PSMG4: variants seen among roughly 807,000 people sequenced by gnomAD.
The protein encoded by PSMG4 is proteasome (prosome, macropain) assembly chaperone 4.
Under a neutral mutation model 11.0 loss-of-function variants are expected in PSMG4, and 10 were observed. The observed-to-expected ratio is 0.91, with a 90% CI of 0.56 to 1.54. The LOEUF (loss-of-function observed/expected upper bound fraction) is 1.54. Ranked by LOEUF, PSMG4 falls within the 40% of genes most tolerant of loss-of-function variation. The pLI is 0.00. For synonymous variants in PSMG4, 95 were observed against 71.3 expected (o/e 1.33, Z -1.68); for missense variants, 198 against 160.9 (o/e 1.23, Z -1.25).
upstream of PSMG4, chr6:3,258,864 C>T (rs1024757356): frequency 4.6e-6 from 3 of 656,080 alleles, no homozygotes; most frequent in Non-Finnish European, 6.5e-6. Flanking sequence ...AACCCAAGCC[C>T]GGGATCGCCC....
intron 1 of PSMG4, 78 bp downstream of exon 1, chr6:3,259,274 C>T (rs1483457447): frequency 1.7e-6 from 2 of 1,184,652 alleles, no homozygotes; most frequent in Non-Finnish European, 2.1e-6. Flanking sequence ...CTGCAGCCCC[C>T]CAGGCTTCTC....
At chr6:3,261,738 G>A (rs1757997992) in intron 1 of PSMG4, among the ~76,000 whole-genome samples, 1 of 152,162 alleles carries the variant, frequency 6.6e-6, no homozygotes, top group Non-Finnish European at 1.5e-5. Context: ...CAAGGTTCCT[G>A]TGACCCGTGG....
At chr6:3,258,516 C>T (rs1294818299), upstream of PSMG4, among the ~76,000 whole-genome samples, 1 of 152,178 alleles carries the variant, frequency 6.6e-6, no homozygotes, top group Non-Finnish European at 1.5e-5. Context: ...TGGCCGTTCT[C>T]AGAGTGCTTG....
intron 1 of PSMG4, among the ~76,000 whole-genome samples, chr6:3,261,202 T>G (rs1185968408): frequency 6.6e-6 from 1 of 150,728 alleles, no homozygotes; most frequent in Non-Finnish European, 1.5e-5. Flanking sequence ...AGATGGCATC[T>G]GGATTCCTTT....
upstream of PSMG4, among the ~76,000 whole-genome samples, chr6:3,256,907 C>T (rs923836460): frequency 5.2e-4 from 79 of 151,980 alleles, no homozygotes; most frequent in African/African-American, 1.9e-3. Context: ...TTGAAGTGGA[C>T]CTAGGTGGCA....
rs1229876929 is a variant in PSMG4 at position 3,267,593 on chromosome 6, A to G, written c.253A>G (p.Arg85Gly). The G allele has an allele frequency of 3.9e-6, 6 of 1,551,470 alleles. No individual in the cohort carries two copies. The highest frequency in any genetic ancestry group is 1.4e-5 in the African/African-American group (1 of 73,054). Reference sequence around the variant, plus strand: ...ATCAATGTGTTTTCTCTTTTTAGCCAGGAAGACCAACAAACAGGTGTTTGT... The same window carrying G: ...ATCAATGTGTTTTCTCTTTTTAGCCGGGAAGACCAACAAACAGGTGTTTGT... ...TSTGLAQRLA[R>G]KTNKQVFVSY... The change falls in exon 3 of 3, where the codon AGG (arginine) becomes GGG (glycine). Residue 85 changes from arginine to glycine, a missense_variant and splice_region_variant. Arg to Gly is a moderately radical substitution (Grantham distance 125, BLOSUM62 -2). Coordinates refer to ENST00000438998, the MANE Select transcript of PSMG4 (RefSeq NM_001128591.2).
chr6:3,265,641 C>T (rs4959791), intron 2 of PSMG4: 126,459 of 152,242 alleles, frequency 0.83, 52,790 homozygotes, highest in Non-Finnish European at 0.87. Context: ...CCCCAGCTTC[C>T]TACCACACTG....
At chr6:3,256,655 C>T (rs1757776638), upstream of PSMG4, among the ~76,000 whole-genome samples, 1 of 152,204 alleles carries the variant, frequency 6.6e-6, no homozygotes, top group Non-Finnish European at 1.5e-5. Context: ...TTCTTGATTT[C>T]TTTTGATAGT....
upstream of PSMG4, among the ~76,000 whole-genome samples, chr6:3,256,611 G>T (rs558429558): frequency 2.0e-3 from 287 of 143,232 alleles, 2 homozygotes; most frequent in African/African-American, 8.1e-3. Flanking sequence ...TAATGTTTTT[G>T]GGGGGTGACA....
intron 1 of PSMG4, among the ~76,000 whole-genome samples, chr6:3,260,243 C>G (rs1177655921): frequency 3.4e-5 from 5 of 149,078 alleles, no homozygotes; most frequent in African/African-American, 5.0e-5. Context: ...GGATTAAGGG[C>G]CCATCCTACT....
intron 2 of PSMG4, chr6:3,266,436 TG>T (rs1758183837): frequency 6.6e-6 from 1 of 152,226 alleles, no homozygotes; most frequent in Non-Finnish European, 1.5e-5. Flanking sequence ...GCTTGCCATA[TG>T]TTGAGGTGGG....
At chr6:3,256,711 C>T (rs573161923), upstream of PSMG4, among the ~76,000 whole-genome samples, 2 of 152,210 alleles carry the variant, frequency 1.3e-5, no homozygotes, top group East Asian at 1.9e-4. Flanking sequence ...GGCTGACTCC[C>T]TGGGCACTCT....
At chr6:3,261,938 G>C (rs1215441034) in intron 1 of PSMG4, among the ~76,000 whole-genome samples, 3 of 152,238 alleles carry the variant, frequency 2.0e-5, no homozygotes, top group Admixed American at 1.3e-4. Context: ...CAGCCCACAC[G>C]TGGAGAATGG....
intron 1 of PSMG4, among the ~76,000 whole-genome samples, chr6:3,261,945 A>G (rs2127260178): frequency 6.6e-6 from 1 of 152,324 alleles, no homozygotes; most frequent in African/African-American, 2.4e-5. Flanking sequence ...CACGTGGAGA[A>G]TGGCACCAGA....
At chr6:3,254,669 G>T (rs1433044638), upstream of PSMG4, among the ~76,000 whole-genome samples, 3 of 152,120 alleles carry the variant, frequency 2.0e-5, no homozygotes, top group African/African-American at 7.2e-5. Flanking sequence ...CCTTCAAGCT[G>T]CGAAACCACT....
intron 1 of PSMG4, among the ~76,000 whole-genome samples, chr6:3,263,192 C>T (rs1454423303): frequency 6.6e-6 from 1 of 152,234 alleles, no homozygotes; most frequent in Non-Finnish European, 1.5e-5. Flanking sequence ...CTCGCTGACC[C>T]TGAGGAGCCC....
At chr6:3,256,086 C>T (rs1381871014), upstream of PSMG4, among the ~76,000 whole-genome samples, 1 of 152,216 alleles carries the variant, frequency 6.6e-6, no homozygotes. Flanking sequence ...TCTACCACCA[C>T]TGCATCCTTT....
At chr6:3,259,473 C>T (rs1757890303) in intron 1 of PSMG4, among the ~76,000 whole-genome samples, 1 of 152,262 alleles carries the variant, frequency 6.6e-6, no homozygotes, top group Non-Finnish European at 1.5e-5. Context: ...TCTGTCCTCG[C>T]CACACGCTCG....
At chr6:3,262,450 C>G (rs868238814) in intron 1 of PSMG4, among the ~76,000 whole-genome samples, 1 of 152,136 alleles carries the variant, frequency 6.6e-6, no homozygotes, top group Non-Finnish European at 1.5e-5. Flanking sequence ...ATTTTTGTAT[C>G]GTTTTTAGTG....
Sources: gnomAD v4.1 joint callset for allele counts (sites outside exome capture counted in the v4.1 genomes callset) on GRCh38, gnomAD v4.1.1 for gene constraint, MANE v1.5 for transcripts, NCBI Gene and HGNC (gene_info 2026-07-23, HGNC 2026-07-21) for gene names.